GALK2: variants seen among roughly 807,000 people sequenced by gnomAD.
GALK2 encodes N-acetylgalactosamine kinase.
A neutral mutation model predicts 52.4 loss-of-function variants in GALK2; 36 were observed. The observed-to-expected ratio is 0.69, with a 90% confidence interval of 0.53 to 0.91. GALK2 has a LOEUF of 0.91. GALK2 is among the 40% of genes least tolerant of loss of function. GALK2 has a pLI of 0.00. For synonymous variants in GALK2, 176 were observed against 199.1 expected (o/e 0.88, Z 0.98); for missense variants, 579 against 559.1 (o/e 1.04, Z -0.36).
At position 49,356,124 on chromosome 15, in the gene GALK2, C is replaced by T. The variant is rs542340753; in HGVS notation, c.427-11367C>T. Among the ~76,000 whole-genome samples the T allele has an allele frequency of 9.2e-5, 14 of 152,140 alleles. No individual in the cohort carries two copies. The East Asian group carries it at 1.2e-3, about 13-fold the overall frequency. ...ATGGAAAGGAACAACCGGTACCAGCCGCTGTAAAATCATGCCAAAATGTAA... is the reference window on the plus strand; with the variant it reads ...ATGGAAAGGAACAACCGGTACCAGCTGCTGTAAAATCATGCCAAAATGTAA... On this transcript the variant is annotated intron_variant, in intron 3 of 3. Coordinates refer to the GALK2 transcript ENST00000558399.
chr15:49,265,052 G>A (rs1288897072), intron 5 of GALK2, among the ~76,000 whole-genome samples: 1 of 152,182 alleles, frequency 6.6e-6, no homozygotes, highest in Admixed American at 6.5e-5. Flanking sequence ...GAGGCAGTCT[G>A]CCCATTCTCA....
At chr15:49,347,506 T>C (rs2041680830) in intron 3 of GALK2, among the ~76,000 whole-genome samples, 1 of 152,156 alleles carries the variant, frequency 6.6e-6, no homozygotes, top group Non-Finnish European at 1.5e-5. Flanking sequence ...CTCATACTAG[T>C]ATCAGTGCTG....
chr15:49,260,395 C>T (rs1033356457), intron 5 of GALK2, among the ~76,000 whole-genome samples: 1 of 150,480 alleles, frequency 6.6e-6, no homozygotes, highest in Non-Finnish European at 1.5e-5. Flanking sequence ...TGTCCTTCGC[C>T]CACTTTTTCA....
rs1723745792 is a variant in GALK2, at chr15:49,328,783, T to C, written c.*624T>C. 7.0e-7 allele frequency: 1 copy of C among 1,426,820 alleles called. No homozygotes were observed. Among genetic ancestry groups the C allele is most frequent in the Admixed American group, 2.8e-5 (1 of 35,470 alleles). The allele number at this position is 1,426,820 out of a possible 1,614,324, so 88.4% of individuals were successfully genotyped here. A position where few individuals can be genotyped will look rare whatever the true frequency, so the allele number is the denominator to read the frequency against. The stretch of plus-strand genomic sequence containing the variant: ...TATCAAGAGACTAAGGATTTTTTTT[T>C]TTTTTTGACAAAAGGAGGATACAGG... On this transcript the variant is annotated 3_prime_UTR_variant, in exon 10 of 10. Transcript: ENST00000560031.
chr15:49,306,868 G>T (rs1300286933), intron 8 of GALK2, among the ~76,000 whole-genome samples: 5 of 152,200 alleles, frequency 3.3e-5, no homozygotes, highest in Non-Finnish European at 7.3e-5. Context: ...CCAGGGAGCA[G>T]CTTCAGATTC....
Position 49,366,717 on chromosome 15 carries a change from C to T in GALK2, c.427-774C>T, listed in dbSNP as rs2045266769. ...GTGGGTGGCGGGTGGGGTGGCGCGG[C>T]GCGGCTCACTAGGTGGGGTAGGCTG... On this transcript the variant is annotated intron_variant, in intron 3 of 3. Coordinates refer to the GALK2 transcript ENST00000558399. 2.6e-5 allele frequency: 32 copies of T among 1,215,890 alleles called. 1 individual carries two copies. The South Asian group carries it at 3.5e-4, about 13-fold the overall frequency. 75.3% of individuals were successfully genotyped at this position (1,215,890 alleles called of 1,614,324 possible).
intron 3 of GALK2, among the ~76,000 whole-genome samples, chr15:49,222,582 T>C (rs2089872920): frequency 6.6e-6 from 1 of 152,184 alleles, no homozygotes; most frequent in African/African-American, 2.4e-5. Context: ...TGCCTGATAA[T>C]TGAGAGTTTT....
chr15:49,328,756 G>C lies in GALK2; in HGVS notation c.*597G>C. 3 of 1,460,212 alleles carry C rather than the reference G, an allele frequency of 2.1e-6. No homozygotes were observed. Among genetic ancestry groups the C allele is most frequent in the Non-Finnish European group, 2.7e-6 (3 of 1,105,764 alleles). 90.5% of individuals were successfully genotyped at this position (1,460,212 alleles called of 1,614,324 possible). On this transcript the variant is annotated 3_prime_UTR_variant, in exon 10 of 10. Transcript: ENST00000560031. ...TGAATTTGAATGTGAGATTTCTCCA[G>C]TTATCAAGAGACTAAGGATTTTTTT...
chr15:49,301,635 TA>T (rs5812479), intron 8 of GALK2, among the ~76,000 whole-genome samples: 37,335 of 148,086 alleles, frequency 0.25, 4,863 homozygotes, highest in African/African-American at 0.32. Context: ...GATTCTAGCT[TA>T]AAAAAAAAAA....
intron 1 of GALK2, among the ~76,000 whole-genome samples, chr15:49,171,082 CTTTTTTT>C (rs201895577): frequency 0.028 from 3,673 of 129,952 alleles, 118 homozygotes; most frequent in South Asian, 0.089. Flanking sequence ...TTTTCTTTTT[CTTTTTTT>C]TTTTTTTTTT....
intron 8 of GALK2, among the ~76,000 whole-genome samples, chr15:49,309,870 T>G (rs1775715378): frequency 6.6e-6 from 1 of 152,114 alleles, no homozygotes. Context: ...CCACCCAAAG[T>G]GCTGGGATTA....
intron 4 of GALK2, among the ~76,000 whole-genome samples, chr15:49,238,970 A>G (rs183832178): frequency 1.6e-3 from 249 of 152,314 alleles, no homozygotes; most frequent in African/African-American, 5.3e-3. Context: ...CCATATTCAA[A>G]TCAATTAATA....
Position 49,328,851 on chromosome 15 carries a change from A to G in GALK2, c.*692A>G. On this transcript the variant is annotated 3_prime_UTR_variant, in exon 10 of 10. Coordinates refer to ENST00000560031, the MANE Select transcript of GALK2 (RefSeq NM_002044.4). ...TTTGAATATTTGTAAACCATGTAATATATAAATAACCACTTTCAATTCTTT... is the reference window on the plus strand; with the variant it reads ...TTTGAATATTTGTAAACCATGTAATGTATAAATAACCACTTTCAATTCTTT... The G allele has an allele frequency of 7.3e-7, 1 of 1,361,794 alleles. No homozygotes were observed. The highest frequency in any genetic ancestry group is 9.5e-7 in the Non-Finnish European group (1 of 1,056,384). The allele number at this position is 1,361,794 out of a possible 1,614,324, so 84.4% of individuals were successfully genotyped here.
In GALK2 at chr15:49,239,004, C is replaced by G. The variant is rs115965825; in HGVS notation, c.358-217C>G. On this transcript the variant is annotated intron_variant, in intron 4 of 9. Coordinates refer to ENST00000560031, the MANE Select transcript of GALK2 (RefSeq NM_002044.4). ...TATTCAAGAAAAAGAACATTCAAGG[C>G]AAGAAAATTAAAGGCATTTAAGGGA... is the stretch of plus-strand genomic sequence containing the variant. Among the ~76,000 whole-genome samples the G allele has an allele frequency of 2.3e-3, 342 of 151,950 alleles. 2 individuals carry two copies. Among genetic ancestry groups the G allele is most frequent in the African/African-American group, 7.9e-3 (328 of 41,408 alleles).
intron 7 of GALK2, among the ~76,000 whole-genome samples, chr15:49,290,389 T>C (rs1244929403): frequency 6.6e-6 from 1 of 152,232 alleles, no homozygotes; most frequent in African/African-American, 2.4e-5. Flanking sequence ...AGCTGAGGGC[T>C]CACTGGACAA....
At chr15:49,158,997 A>G (rs2084550501) in intron 1 of GALK2, 1 of 152,048 alleles carries the variant, frequency 6.6e-6, no homozygotes, top group Non-Finnish European at 1.5e-5. Flanking sequence ...GACTAATTTA[A>G]AATATTTTTT....
chr15:49,247,052 T>C (rs1054789498), intron 5 of GALK2, among the ~76,000 whole-genome samples: 1 of 152,142 alleles, frequency 6.6e-6, no homozygotes, highest in African/African-American at 2.4e-5. Context: ...ATATTTTATC[T>C]AGGGAGTTAG....
intron 8 of GALK2, among the ~76,000 whole-genome samples, chr15:49,314,315 A>C (rs2036233472): frequency 6.6e-6 from 1 of 152,166 alleles, no homozygotes. Flanking sequence ...TTTCTCTCAC[A>C]TCTGTAAAGC....
At chr15:49,318,931 T>A (rs2036646586) in intron 8 of GALK2, 1 of 452,980 alleles carries the variant, frequency 2.2e-6, no homozygotes, top group Non-Finnish European at 4.4e-6. Flanking sequence ...GAGAACTTTA[T>A]GAGGTAGTAC....
Sources: gnomAD v4.1 joint callset for allele counts (sites outside exome capture counted in the v4.1 genomes callset) on GRCh38, gnomAD v4.1.1 for gene constraint, MANE v1.5 for transcripts, NCBI Gene and HGNC (gene_info 2026-07-23, HGNC 2026-07-21) for gene names.